The following AGBL1 variants were observed in gnomAD, a reference collection of about 807,000 sequenced individuals.
AGBL1 encodes AGBL carboxypeptidase 1.
In AGBL1, 130 loss-of-function variants were observed where a neutral mutation model predicts 118.9. That is an observed-to-expected ratio of 1.09 (90% CI 0.95 to 1.26). The LOEUF is 1.26. Among genes scored for constraint, AGBL1 ranks in the 50% most tolerant of loss-of-function variants. The probability of loss-of-function intolerance (pLI) is 0.00; values close to 1 mark genes in which losing one functional copy is unlikely to be tolerated. For synonymous variants in AGBL1, 555 were observed against 478.9 expected (o/e 1.16, Z -2.08); for missense variants, 1,584 against 1,298.1 (o/e 1.22, Z -3.38).
chr15:86,566,126 A>G (rs1008665947), intron 21 of AGBL1, among the ~76,000 whole-genome samples: 1 of 145,034 alleles, frequency 6.9e-6, no homozygotes, highest in African/African-American at 2.9e-5. Context: ...GTTGGGCTGC[A>G]CTCACTGTCC....
chr15:86,612,773 A>G (rs964947890), intron 21 of AGBL1, among the ~76,000 whole-genome samples: 1 of 152,192 alleles, frequency 6.6e-6, no homozygotes, highest in African/African-American at 2.4e-5. Context: ...TTAAGTTTCA[A>G]TAAGAGAATT....
rs1453752771 is a variant in AGBL1 at position 86,856,286 on chromosome 15, T to C, written c.3159-50801T>C. On this transcript the variant is annotated intron_variant, in intron 22 of 22. Transcript: ENST00000614907. ...AAAGTCCTCTTTCTCTGAGTGTGCT[T>C]AGAAGCAGGGCTCTATTGTACCCAT... Among the ~76,000 whole-genome samples, 3 of 152,202 alleles carry C rather than the reference T, an allele frequency of 2.0e-5. No individual in the cohort carries two copies. The East Asian group carries it at 5.8e-4, about 29-fold the overall frequency.
chr15:86,206,147 C>CT (rs1196475517), intron 5 of AGBL1, among the ~76,000 whole-genome samples: 1 of 152,040 alleles, frequency 6.6e-6, no homozygotes, highest in Non-Finnish European at 1.5e-5. Flanking sequence ...TGAACTCATC[C>CT]TTTTTTTATG....
chr15:86,773,381 A>G (rs2078208576), intron 22 of AGBL1, among the ~76,000 whole-genome samples: 1 of 152,008 alleles, frequency 6.6e-6, no homozygotes, highest in African/African-American at 2.4e-5. Flanking sequence ...TCTTCCACAT[A>G]TGGAGCCAAC....
chr15:86,342,287 C>T (rs2080472772), intron 17 of AGBL1, among the ~76,000 whole-genome samples: 1 of 152,068 alleles, frequency 6.6e-6, no homozygotes, highest in Non-Finnish European at 1.5e-5. Context: ...CAATTATGTT[C>T]CTTGACTTGT....
At chr15:86,625,379 G>GTTTTTTTTT (rs1199638580) in intron 21 of AGBL1, among the ~76,000 whole-genome samples, 1 of 59,472 alleles carries the variant, frequency 1.7e-5, no homozygotes, top group Non-Finnish European at 2.8e-5. Context: ...TTTTTTTTTT[G>GTTTTTTTTT]TTTTTGTTTT....
intron 22 of AGBL1, among the ~76,000 whole-genome samples, chr15:86,684,992 G>T (rs1395001626): frequency 6.6e-6 from 1 of 152,190 alleles, no homozygotes; most frequent in Non-Finnish European, 1.5e-5. Context: ...AGCCTTACTA[G>T]TGCATGGGTA....
intron 24 of AGBL1, among the ~76,000 whole-genome samples, chr15:86,998,255 A>T (rs1156697386): frequency 6.6e-6 from 1 of 152,178 alleles, no homozygotes; most frequent in Non-Finnish European, 1.5e-5. Flanking sequence ...AGACTGTAAC[A>T]TTTGTATTTC....
At chr15:86,497,396 TTCTC>T (rs1373366002) in intron 18 of AGBL1, among the ~76,000 whole-genome samples, 1 of 152,092 alleles carries the variant, frequency 6.6e-6, no homozygotes, top group Non-Finnish European at 1.5e-5. Context: ...TTTGAAATGT[TTCTC>T]TGTTGCTTTC....
At chr15:86,862,184 G>GT (rs2079568476) in intron 22 of AGBL1, among the ~76,000 whole-genome samples, 1 of 152,180 alleles carries the variant, frequency 6.6e-6, no homozygotes, top group Non-Finnish European at 1.5e-5. Flanking sequence ...CAGAGTAACT[G>GT]CTTGAGGAAT....
intron 21 of AGBL1, among the ~76,000 whole-genome samples, chr15:86,633,593 T>C (rs1467900152): frequency 2.6e-5 from 4 of 151,828 alleles, no homozygotes; most frequent in Non-Finnish European, 5.9e-5. Flanking sequence ...GTTCTTTATA[T>C]AGGTGTTTTC....
intron 23 of AGBL1, among the ~76,000 whole-genome samples, chr15:86,921,752 C>G (rs2080484057): frequency 6.6e-6 from 1 of 152,172 alleles, no homozygotes; most frequent in African/African-American, 2.4e-5. Context: ...GCTGTAATGT[C>G]AAGGCGCCTG....
intron 1 of AGBL1, among the ~76,000 whole-genome samples, chr15:86,108,544 A>C (rs1897182270): frequency 6.6e-6 from 1 of 152,182 alleles, no homozygotes; most frequent in Non-Finnish European, 1.5e-5. Flanking sequence ...GGGGCTCAGA[A>C]GCTCACTATT....
At chr15:86,403,145 T>C (rs937046559) in intron 18 of AGBL1, among the ~76,000 whole-genome samples, 2 of 152,126 alleles carry the variant, frequency 1.3e-5, no homozygotes, top group African/African-American at 4.8e-5. Flanking sequence ...AGACATGATG[T>C]ATAAATGAGC....
chr15:86,443,997 A>G (rs2082093717), intron 18 of AGBL1, among the ~76,000 whole-genome samples: 1 of 152,160 alleles, frequency 6.6e-6, no homozygotes, highest in Non-Finnish European at 1.5e-5. Context: ...ATCATATGAT[A>G]GATTTGTTTT....
chr15:86,937,437 T>C (rs539563033), intron 23 of AGBL1, among the ~76,000 whole-genome samples: 65 of 152,296 alleles, frequency 4.3e-4, no homozygotes, highest in African/African-American at 1.5e-3. Context: ...ATAAGTGTAA[T>C]ACATATACTC....
At chr15:86,548,051 A>T (rs2083610088) in intron 20 of AGBL1, among the ~76,000 whole-genome samples, 1 of 152,180 alleles carries the variant, frequency 6.6e-6, no homozygotes, top group African/African-American at 2.4e-5. Context: ...GCCTAAAAAG[A>T]CTTTTGTGTA....
At chr15:86,318,330 CCTTCT>C (rs1253429038) in intron 17 of AGBL1, among the ~76,000 whole-genome samples, 3 of 152,102 alleles carry the variant, frequency 2.0e-5, no homozygotes, top group Non-Finnish European at 2.9e-5. Flanking sequence ...GTCTCATTAT[CCTTCT>C]CTTCTCTTCA....
intron 17 of AGBL1, among the ~76,000 whole-genome samples, chr15:86,356,374 A>G (rs187282594): frequency 6.6e-6 from 1 of 151,668 alleles, no homozygotes; most frequent in Admixed American, 6.6e-5. Context: ...GCCCGCACGC[A>G]CGCGCATGTG....
Sources: allele counts gnomAD v4.1 joint callset (sites outside exome capture counted in the v4.1 genomes callset), GRCh38; gene constraint gnomAD v4.1.1; transcripts MANE v1.5; gene names NCBI Gene and HGNC (gene_info 2026-07-23, HGNC 2026-07-21).